LRRC4C: variants seen among roughly 807,000 people sequenced by gnomAD.
LRRC4C encodes leucine-rich repeat-containing protein 4C.
LRRC4C carries 5 observed loss-of-function variants against 33.6 expected under a neutral mutation model. The observed-to-expected ratio is 0.15, with a 90% CI of 0.08 to 0.31. The LOEUF (loss-of-function observed/expected upper bound fraction) is 0.31, where lower values mean the gene tolerates loss of function less well. LRRC4C is among the 10% of genes least tolerant of loss of function. The probability of loss-of-function intolerance (pLI) is 1.00; values close to 1 mark genes in which losing one functional copy is unlikely to be tolerated. For synonymous variants in LRRC4C, 329 were observed against 302.0 expected (o/e 1.09, Z -0.93); for missense variants, 560 against 796.7 (o/e 0.70, Z 3.58).
intron 2 of LRRC4C, among the ~76,000 whole-genome samples, chr11:40,887,735 G>A (rs962421663): frequency 1.3e-5 from 2 of 151,930 alleles, no homozygotes; most frequent in Non-Finnish European, 2.9e-5. Context: ...TAGATGCAAA[G>A]CATTGTCTGT....
chr11:41,031,540 C>CA, intron 1 of LRRC4C, among the ~76,000 whole-genome samples: 1 of 151,936 alleles, frequency 6.6e-6, no homozygotes, highest in Non-Finnish European at 1.5e-5. Flanking sequence ...ATTCAGTGGA[C>CA]AAATCATAGA....
At chr11:40,715,628 T>C (rs1277145646) in intron 2 of LRRC4C, among the ~76,000 whole-genome samples, 1 of 152,188 alleles carries the variant, frequency 6.6e-6, no homozygotes, top group Admixed American at 6.5e-5. Context: ...TAGCAAGAAC[T>C]GGACATGCCA....
At chr11:41,062,396 T>C (rs1937850037) in intron 1 of LRRC4C, among the ~76,000 whole-genome samples, 1 of 152,240 alleles carries the variant, frequency 6.6e-6, no homozygotes, top group African/African-American at 2.4e-5. Context: ...ACACCTGTCA[T>C]ATGAGTAATC....
chr11:41,295,328 A>G (rs916955604), intron 1 of LRRC4C, among the ~76,000 whole-genome samples: 1 of 152,216 alleles, frequency 6.6e-6, no homozygotes, highest in Non-Finnish European at 1.5e-5. Flanking sequence ...CAACTGAGTC[A>G]ATAGAATATA....
chr11:41,315,497 T>C (rs561716005), intron 1 of LRRC4C, among the ~76,000 whole-genome samples: 1 of 152,292 alleles, frequency 6.6e-6, no homozygotes, highest in South Asian at 2.1e-4. Context: ...CATGGAGAAC[T>C]GAAGTATCTT....
At chr11:40,904,654 C>G (rs903737961) in intron 2 of LRRC4C, among the ~76,000 whole-genome samples, 4 of 152,060 alleles carry the variant, frequency 2.6e-5, no homozygotes, top group Non-Finnish European at 5.9e-5. Flanking sequence ...CCACCACCAC[C>G]CATTCCCCCT....
intron 1 of LRRC4C, among the ~76,000 whole-genome samples, chr11:41,274,746 CT>C (rs1205384014): frequency 6.6e-6 from 1 of 152,134 alleles, no homozygotes; most frequent in Non-Finnish European, 1.5e-5. Context: ...CACAATAAAT[CT>C]TGCTGCTGCT....
At chr11:40,851,402 C>T (rs925365069) in intron 2 of LRRC4C, among the ~76,000 whole-genome samples, 2 of 152,028 alleles carry the variant, frequency 1.3e-5, no homozygotes, top group Non-Finnish European at 2.9e-5. Flanking sequence ...GTTCCCTGAC[C>T]CCTTGTGCTT....
chr11:40,249,290 G>C (rs1041469270), intron 4 of LRRC4C, among the ~76,000 whole-genome samples: 1 of 152,070 alleles, frequency 6.6e-6, no homozygotes, highest in Admixed American at 6.6e-5. Context: ...AGTGAGCCGA[G>C]ATCGCACTAC....
intron 3 of LRRC4C, among the ~76,000 whole-genome samples, chr11:40,587,493 C>T (rs1420047581): frequency 7.7e-5 from 11 of 142,264 alleles, no homozygotes; most frequent in Non-Finnish European, 1.4e-4. Flanking sequence ...ATTGCCCTGG[C>T]CAGAACTTCC....
chr11:40,478,271 A>G (rs531623234), intron 3 of LRRC4C, among the ~76,000 whole-genome samples: 1 of 152,346 alleles, frequency 6.6e-6, no homozygotes, highest in Non-Finnish European at 1.5e-5. Flanking sequence ...CTTAAACAAT[A>G]ATCTAGAATA....
chr11:41,304,248 CT>C (rs1950394797), intron 1 of LRRC4C, among the ~76,000 whole-genome samples: 2 of 124,770 alleles, frequency 1.6e-5, no homozygotes, highest in African/African-American at 3.0e-5. Flanking sequence ...GCCCAGCCAG[CT>C]GCCCCGTCTG....
intron 3 of LRRC4C, among the ~76,000 whole-genome samples, chr11:40,441,700 C>A (rs1951403269): frequency 6.6e-6 from 1 of 152,118 alleles, no homozygotes; most frequent in Non-Finnish European, 1.5e-5. Flanking sequence ...TTTTTGAAGT[C>A]TTCTATGAGA....
At chr11:40,928,051 T>G (rs1378692735) in intron 2 of LRRC4C, among the ~76,000 whole-genome samples, 1 of 152,072 alleles carries the variant, frequency 6.6e-6, no homozygotes, top group Non-Finnish European at 1.5e-5. Flanking sequence ...GAAATATTAG[T>G]TACAAATATA....
intron 3 of LRRC4C, among the ~76,000 whole-genome samples, chr11:40,604,524 G>A (rs17488852): frequency 0.14 from 20,691 of 151,912 alleles, 1,838 homozygotes; most frequent in Admixed American, 0.2. Flanking sequence ...ATAATATAGC[G>A]GAAAGGGTAG....
intron 1 of LRRC4C, among the ~76,000 whole-genome samples, chr11:41,138,514 A>G (rs1233333576): frequency 6.6e-6 from 1 of 152,208 alleles, no homozygotes; most frequent in Non-Finnish European, 1.5e-5. Flanking sequence ...GGGAAACTAC[A>G]TCATTTGGTA....
chr11:40,153,583 G>A (rs1459442478), intron 5 of LRRC4C, among the ~76,000 whole-genome samples: 2 of 6,458 alleles, frequency 3.1e-4, no homozygotes, highest in Non-Finnish European at 1.8e-3. Flanking sequence ...GAAATAGATA[G>A]CTTAAAAAAA....
At chr11:41,187,504 C>T (rs1367910761) in intron 1 of LRRC4C, among the ~76,000 whole-genome samples, 1 of 152,136 alleles carries the variant, frequency 6.6e-6, no homozygotes, top group Non-Finnish European at 1.5e-5. Context: ...AACCACCTTC[C>T]CACTCCATCC....
At chr11:40,352,556 G>T (rs1009845745) in intron 3 of LRRC4C, among the ~76,000 whole-genome samples, 2 of 152,004 alleles carry the variant, frequency 1.3e-5, no homozygotes, top group Non-Finnish European at 2.9e-5. Flanking sequence ...GTCTTGATAA[G>T]TTGTTGTGGT....
Sources: gnomAD v4.1 joint callset for allele counts (sites outside exome capture counted in the v4.1 genomes callset) on GRCh38, gnomAD v4.1.1 for gene constraint, MANE v1.5 for transcripts, NCBI Gene and HGNC (gene_info 2026-07-23, HGNC 2026-07-21) for gene names.